The following GPR153 variants were observed in gnomAD, a reference collection of about 807,000 sequenced individuals.
The protein encoded by GPR153 is G protein-coupled receptor 153, also known as probable G protein-coupled receptor 153.
In GPR153, 27 loss-of-function variants were observed where a neutral mutation model predicts 34.1. The observed-to-expected ratio is 0.79, with a 90% CI of 0.58 to 1.09. The LOEUF (loss-of-function observed/expected upper bound fraction) is 1.09, where lower values mean the gene tolerates loss of function less well. GPR153 is among the 50% of genes least tolerant of loss of function. The pLI, the probability that GPR153 is intolerant of heterozygous loss-of-function variation, is 0.00. For missense variants in GPR153, 848 were observed against 860.2 expected (o/e 0.99, Z 0.18); for synonymous variants, 408 against 405.4 (o/e 1.01, Z -0.08).
intron 1 of GPR153, among the ~76,000 whole-genome samples, chr1:6,257,701 G>A (rs762401235): frequency 1.3e-5 from 2 of 152,262 alleles, no homozygotes; most frequent in Non-Finnish European, 2.9e-5. Flanking sequence ...AGGAAGTGCC[G>A]ATGGCCTTTC....
intron 1 of GPR153, among the ~76,000 whole-genome samples, chr1:6,257,302 C>T (rs770325145): frequency 1.3e-5 from 2 of 152,224 alleles, no homozygotes; most frequent in Non-Finnish European, 2.9e-5. Flanking sequence ...CCCCCTGAAC[C>T]TCCATTTCCC....
chr1:6,254,815 T>C lies in GPR153; in HGVS notation c.91A>G (p.Ser31Gly). ...CACTTCTTCTGCTTGGCGCCAACGC[T>C]GAGGATGCCCCAGGCATTGGCCAGC... is the stretch of plus-strand genomic sequence containing the variant. ...SLLANAWGILSVGAKQKKWKP... is the reference protein window; with the variant it reads ...SLLANAWGILGVGAKQKKWKP... The change falls in exon 2 of 6, where the codon AGC becomes GGC. Residue 31 changes from serine to glycine, a missense_variant. Physicochemically the swap from Ser to Gly is moderately conservative, Grantham distance 56. Coordinates refer to ENST00000377893, the MANE Select transcript of GPR153 (RefSeq NM_207370.4). 1 of 1,612,946 alleles carries C rather than the reference T, an allele frequency of 6.2e-7. No homozygotes were observed. Among genetic ancestry groups the C allele is most frequent in the South Asian group, 1.1e-5 (1 of 91,038 alleles).
chr1:6,260,610 G>A (rs1638654958), intron 1 of GPR153, among the ~76,000 whole-genome samples: 1 of 151,806 alleles, frequency 6.6e-6, no homozygotes, highest in South Asian at 2.1e-4. Flanking sequence ...GGCGCTGCTA[G>A]GCCCCGATGC....
chr1:6,253,769 G>A lies in GPR153; in HGVS notation c.735C>T (p.Leu245=), dbSNP rs757383254. ...CGTAGATGAAGACTATGGTGGTCACGAGGCCCGTGGTCTGCAGAGAGGTTT... is the reference window on the plus strand; with the variant it reads ...CGTAGATGAAGACTATGGTGGTCACAAGGCCCGTGGTCTGCAGAGAGGTTT... ...PAKTSLQTTG[L]VTTIVFIYDC... Residue 245 remains leucine (L), a synonymous_variant, in exon 3 of 6, where the codon CTC becomes CTT. Coordinates refer to ENST00000377893, the MANE Select transcript of GPR153 (RefSeq NM_207370.4). The A allele has an allele frequency of 6.5e-7, 1 of 1,544,280 alleles. No individual in the cohort carries two copies. Among genetic ancestry groups the A allele is most frequent in the Admixed American group, 1.9e-5 (1 of 51,624 alleles).
At position 6,247,460 on chromosome 1, in the gene GPR153, C is replaced by T. The variant is rs1219191624; in HGVS notation, c.*1878G>A. On this transcript the variant is annotated 3_prime_UTR_variant, in exon 6 of 6. Transcript: ENST00000377893. ...CTCTGGGTGTGCTATGAAGACAACT[C>T]CCTCCCCAGTGAGCCCAGGGAACAG... The T allele has an allele frequency of 1.3e-5, 2 of 152,202 alleles. No homozygotes were observed. Among genetic ancestry groups the T allele is most frequent in the Non-Finnish European group, 2.9e-5 (2 of 68,052 alleles). 9.4% of individuals were successfully genotyped at this position (152,202 alleles called of 1,614,324 possible).
Position 6,254,591 on chromosome 1 carries a change from GGA to G in GPR153, c.313_314del (p.Ser105LeufsTer62). 1 of 1,600,526 alleles carries G rather than the reference GGA, an allele frequency of 6.2e-7. No individual in the cohort carries two copies. The highest frequency in any genetic ancestry group is 1.3e-5 in the African/African-American group (1 of 74,866). On this transcript the variant is annotated frameshift_variant, in exon 2 of 6. Coordinates refer to ENST00000377893, the MANE Select transcript of GPR153 (RefSeq NM_207370.4). LOFTEE classifies it high-confidence loss of function. ...AGCAGACCATCCACATGCGGTGGTA[GGA>G]GAGGGAGGTGACAGAGAAACAGGTG... is the stretch of plus-strand genomic sequence containing the variant. ...LATCFSVTSL[S>X]YHRMWMVCWP...
chr1:6,259,123 T>A (rs1638621441), intron 1 of GPR153, among the ~76,000 whole-genome samples: 1 of 152,154 alleles, frequency 6.6e-6, no homozygotes, highest in Admixed American at 6.5e-5. Context: ...TGGCCAGGCG[T>A]AGTGGTGTGA....
Position 6,251,856 on chromosome 1 carries a change from C to T in GPR153, c.787-326G>A, listed in dbSNP as rs1390777056. ...TGTCACCCAGGCTGGAGTGCAGTGG[C>T]TCAATCATGGCTCACTGCAGCCTCC... On this transcript the variant is annotated intron_variant, in intron 3 of 5. Coordinates refer to ENST00000377893, the MANE Select transcript of GPR153 (RefSeq NM_207370.4). The surrounding 1 kb of genome is among the most constrained non-coding windows in gnomAD (Gnocchi z 4.9). Among the ~76,000 whole-genome samples the T allele has an allele frequency of 6.6e-6, 1 of 152,190 alleles. No individual in the cohort carries two copies. Among genetic ancestry groups the T allele is most frequent in the Non-Finnish European group, 1.5e-5 (1 of 68,022 alleles).
In GPR153 at chr1:6,253,992, C is replaced by T. The variant is rs753091767; in HGVS notation, c.512G>A (p.Gly171Asp). ...CRFIVAEIGL[G>D]FGVCFLLLVG... ...CAGCAGCAGGAAGCAGACGCCAAAG[C>T]CCAGGCCGATCTCAGCCACGATGAA... is the stretch of plus-strand genomic sequence containing the variant. The change falls in exon 3 of 6, where the codon GGC becomes GAC. Residue 171 changes from glycine to aspartate, a missense_variant. Coordinates refer to ENST00000377893, the MANE Select transcript of GPR153 (RefSeq NM_207370.4). The T allele has an allele frequency of 3.7e-6, 6 of 1,613,154 alleles. No homozygotes were observed. Among genetic ancestry groups the T allele is most frequent in the Non-Finnish European group, 5.1e-6 (6 of 1,179,906 alleles).
Position 6,249,913 on chromosome 1 carries a change from C to A in GPR153, c.1255G>T (p.Glu419Ter). The change falls in exon 6 of 6, where the codon GAG (glutamate) becomes TAG (stop). Residue 419 changes from glutamate to a stop codon, truncating the protein, a stop_gained. Transcript: ENST00000377893. LOFTEE classifies it low-confidence loss of function (END_TRUNC). The surrounding 1 kb of genome is among the most constrained non-coding windows in gnomAD (Gnocchi z 4.3). Reference protein sequence around the residue: ...PAFLPRWGSGEDLAALAHLVL... With the variant: ...PAFLPRWGSG ...AGGTGCGCCAGGGCGGCCAGGTCCT[C>A]GCCGGAGCCCCAGCGCGGCAGGAAG... 2 of 1,287,642 alleles carry A rather than the reference C, an allele frequency of 1.6e-6. No individual in the cohort carries two copies. Among genetic ancestry groups the A allele is most frequent in the East Asian group, 3.1e-5 (1 of 32,020 alleles). The allele number at this position is 1,287,642 out of a possible 1,614,324, so 79.8% of individuals were successfully genotyped here. A position where few individuals can be genotyped will look rare whatever the true frequency, so the allele number is the denominator to read the frequency against.
In GPR153 at chr1:6,260,856, C is replaced by T. The variant is rs1237979915; in HGVS notation, c.-141G>A. ...TTCGAGCGCCCGGGGCTCCGGCTCGCTGCTCCCGCCTCCGGCTCCGGCTGC... is the reference window on the plus strand; with the variant it reads ...TTCGAGCGCCCGGGGCTCCGGCTCGTTGCTCCCGCCTCCGGCTCCGGCTGC... On this transcript the variant is annotated 5_prime_UTR_variant, in exon 1 of 6. Transcript: ENST00000377893. 1 of 150,774 alleles carries T rather than the reference C, an allele frequency of 6.6e-6. No homozygotes were observed. Among genetic ancestry groups the T allele is most frequent in the Non-Finnish European group, 1.5e-5 (1 of 67,584 alleles). 9.3% of individuals were successfully genotyped at this position (150,774 alleles called of 1,614,324 possible).
At chr1:6,260,271 G>T (rs1399733788) in intron 1 of GPR153, among the ~76,000 whole-genome samples, 1 of 151,540 alleles carries the variant, frequency 6.6e-6, no homozygotes, top group East Asian at 1.9e-4. Flanking sequence ...CACGGGGCCC[G>T]GCCTGGCCGT....
At chr1:6,260,786 C>CCCGT (rs1339097003) in intron 1 of GPR153, 39 bp downstream of exon 1, 1 of 151,836 alleles carries the variant, frequency 6.6e-6, no homozygotes, top group Non-Finnish European at 1.5e-5. Flanking sequence ...CCGGGGTCCT[C>CCCGT]CCGTCCGTCC....
In GPR153 at chr1:6,249,480, G is replaced by C. The variant is rs1217302917; in HGVS notation, c.1688C>G (p.Pro563Arg). ...CTCGCCCCACGACGCGCTCAGGCCG[G>C]GGCGCAGAGAGCCGGCGTGCGAGTG... ...SAHSHAGSLR[P>R]GLSASWGEPG... Residue 563 changes from proline to arginine, a missense_variant, in exon 6 of 6, where the codon CCC becomes CGC. Coordinates refer to ENST00000377893, the MANE Select transcript of GPR153 (RefSeq NM_207370.4). The surrounding 1 kb of genome is among the most constrained non-coding windows in gnomAD (Gnocchi z 4.3). The C allele has an allele frequency of 2.3e-6, 3 of 1,296,400 alleles. No individual in the cohort carries two copies. In the East Asian group the frequency reaches 9.5e-5, roughly 41 times the overall value. 80.3% of individuals were successfully genotyped at this position (1,296,400 alleles called of 1,614,324 possible).
At chr1:6,253,495 C>G (rs1638492163) in intron 3 of GPR153, among the ~76,000 whole-genome samples, 1 of 152,240 alleles carries the variant, frequency 6.6e-6, no homozygotes, top group African/African-American at 2.4e-5. Context: ...GGCCCTGGGC[C>G]CTGCAGTTGC....
Position 6,247,499 on chromosome 1 carries a change from CAA to C in GPR153, c.*1837_*1838del, listed in dbSNP as rs1490252515. The C allele has an allele frequency of 6.6e-5, 10 of 152,228 alleles. No individual in the cohort carries two copies. Among genetic ancestry groups the C allele is most frequent in the African/African-American group, 1.9e-4 (8 of 41,444 alleles). 9.4% of individuals were successfully genotyped at this position (152,228 alleles called of 1,614,324 possible). A position where few individuals can be genotyped will look rare whatever the true frequency, so the allele number is the denominator to read the frequency against. ...CCCAGGGAACAGGCTGGATGCTGGACAAAGTTTGGGAGGGAGCTCCAGGCCCA... is the reference window on the plus strand; with the variant it reads ...CCCAGGGAACAGGCTGGATGCTGGACAGTTTGGGAGGGAGCTCCAGGCCCA... On this transcript the variant is annotated 3_prime_UTR_variant, in exon 6 of 6. Transcript: ENST00000377893.
At chr1:6,252,670 G>C (rs1638474350) in intron 3 of GPR153, among the ~76,000 whole-genome samples, 1 of 152,152 alleles carries the variant, frequency 6.6e-6, no homozygotes, top group African/African-American at 2.4e-5. Context: ...CTCAGGGAAG[G>C]CAGTCTTGCC....
Position 6,254,728 on chromosome 1 carries a change from G to A in GPR153, c.178C>T (p.Pro60Ser). The change falls in exon 2 of 6, where the codon CCC becomes TCC. Residue 60 changes from proline (P) to serine (S), a missense_variant. Coordinates refer to ENST00000377893, the MANE Select transcript of GPR153 (RefSeq NM_207370.4). ...TGCACCACGGAGTAGGTGGCGATGG[G>A]CACGGCCACATTTAGCATGTGGGTG... ...AATHMLNVAVPIATYSVVQLR... is the reference protein window; with the variant it reads ...AATHMLNVAVSIATYSVVQLR... 1 of 1,613,690 alleles carries A rather than the reference G, an allele frequency of 6.2e-7. No individual in the cohort carries two copies. The highest frequency in any genetic ancestry group is 8.5e-7 in the Non-Finnish European group (1 of 1,179,856).
At chr1:6,250,734 C>T (rs1638430541) in intron 4 of GPR153, 110 bp from the exon 5 acceptor site, 1 of 629,588 alleles carries the variant, frequency 1.6e-6, no homozygotes, top group African/African-American at 1.8e-5. Flanking sequence ...CAGACATATA[C>T]AAGGTAGGGG....
Sources: allele counts gnomAD v4.1 joint callset (sites outside exome capture counted in the v4.1 genomes callset), GRCh38; gene constraint gnomAD v4.1.1; non-coding constraint Gnocchi (gnomAD v3.1); transcripts MANE v1.5; gene names NCBI Gene and HGNC (gene_info 2026-07-23, HGNC 2026-07-21).